The following INPP5A variants were observed in gnomAD, a reference collection of about 807,000 sequenced individuals.
INPP5A encodes the protein 43 kDa inositol polyphosphate 5-phophatase.
INPP5A carries 14 observed loss-of-function variants against 65.2 expected under a neutral mutation model. The ratio of observed to expected loss-of-function variants is 0.21; its 90% CI spans 0.14 to 0.34. The LOEUF is 0.34. Among genes scored for constraint, INPP5A ranks in the 10% least tolerant of loss-of-function variants. The probability of loss-of-function intolerance (pLI) is 1.00; values close to 1 mark genes in which losing one functional copy is unlikely to be tolerated. For synonymous variants in INPP5A, 207 were observed against 208.3 expected (o/e 0.99, Z 0.05); for missense variants, 431 against 545.6 (o/e 0.79, Z 2.09).
chr10:132,633,643 A>G (rs2072302274), intron 2 of INPP5A, among the ~76,000 whole-genome samples: 1 of 152,134 alleles, frequency 6.6e-6, no homozygotes, highest in Admixed American at 6.5e-5. Flanking sequence ...CCATTATGAG[A>G]CCAGGAAAGA....
At chr10:132,634,088 C>T (rs937170374) in intron 2 of INPP5A, among the ~76,000 whole-genome samples, 1 of 152,274 alleles carries the variant, frequency 6.6e-6, no homozygotes, top group Non-Finnish European at 1.5e-5. Context: ...GTAATTCCAA[C>T]CTATTCAATA....
intron 4 of INPP5A, among the ~76,000 whole-genome samples, chr10:132,666,859 A>G (rs2072811637): frequency 6.6e-6 from 1 of 152,244 alleles, no homozygotes; most frequent in East Asian, 1.9e-4. Context: ...GGGTAGAGAA[A>G]GATATCTGTG....
At chr10:132,718,910 G>A (rs1420282035) in intron 8 of INPP5A, among the ~76,000 whole-genome samples, 2 of 148,854 alleles carry the variant, frequency 1.3e-5, no homozygotes, top group Non-Finnish European at 3.0e-5. Context: ...CGCCTTAGAC[G>A]GCTGTCTTGC....
intron 9 of INPP5A, among the ~76,000 whole-genome samples, chr10:132,735,470 G>A (rs1214780658): frequency 1.3e-5 from 2 of 152,214 alleles, no homozygotes; most frequent in East Asian, 1.9e-4. Flanking sequence ...CCGGTGGCAC[G>A]GGCGCCCTGG....
rs140065910 is a variant in INPP5A, at chr10:132,781,643, G to A, written c.1159-218G>A. On this transcript the variant is annotated intron_variant, in intron 14 of 15. Transcript: ENST00000368594. ...CTTCCTTGCAAAACCTCTCATGGCCGGCCTGGCTCCAGTTCCACATTCACG... is the reference window on the plus strand; with the variant it reads ...CTTCCTTGCAAAACCTCTCATGGCCAGCCTGGCTCCAGTTCCACATTCACG... Among the ~76,000 whole-genome samples the A allele has an allele frequency of 2.1e-3, 318 of 152,190 alleles. 3 individuals carry two copies. The highest frequency in any genetic ancestry group is 6.3e-3 in the African/African-American group (261 of 41,502).
intron 4 of INPP5A, among the ~76,000 whole-genome samples, chr10:132,668,296 C>T (rs576929073): frequency 3.3e-5 from 5 of 152,248 alleles, no homozygotes; most frequent in Admixed American, 2.6e-4. Context: ...CTGATGGCCT[C>T]GGCCTCCTTT....
At chr10:132,779,786 G>A (rs1288441604) in intron 13 of INPP5A, among the ~76,000 whole-genome samples, 1 of 152,196 alleles carries the variant, frequency 6.6e-6, no homozygotes, top group Non-Finnish European at 1.5e-5. Context: ...CCGTCACCTC[G>A]TCACCAAGCT....
intron 5 of INPP5A, among the ~76,000 whole-genome samples, chr10:132,695,914 C>T (rs534368287): frequency 2.0e-5 from 3 of 152,166 alleles, no homozygotes; most frequent in African/African-American, 4.8e-5. Context: ...GTGCCCCCCA[C>T]CCCCAAATTC....
intron 2 of INPP5A, among the ~76,000 whole-genome samples, chr10:132,619,736 G>A (rs1395086474): frequency 1.3e-5 from 2 of 152,208 alleles, no homozygotes; most frequent in Non-Finnish European, 2.9e-5. Flanking sequence ...TCAGCTCACT[G>A]CAACTTCAGT....
Position 132,765,798 on chromosome 10 carries a change from C to T in INPP5A, c.929C>T (p.Ser310Phe). The T allele has an allele frequency of 6.2e-6, 10 of 1,605,380 alleles. No homozygotes were observed. Among genetic ancestry groups the T allele is most frequent in the Non-Finnish European group, 8.5e-6 (10 of 1,172,016 alleles). Reference sequence around the variant, plus strand: ...CTCTTGGAGTTTGACAAGGAGTTGTCTGTCTTTAAGGACAGACTGTATGAA... The same window carrying T: ...CTCTTGGAGTTTGACAAGGAGTTGTTTGTCTTTAAGGACAGACTGTATGAA... Reference protein sequence around the residue: ...TALLEFDKELSVFKDRLYELD... With the variant: ...TALLEFDKELFVFKDRLYELD... The change falls in exon 12 of 16, where the codon TCT (serine) becomes TTT (phenylalanine). Residue 310 changes from serine (S) to phenylalanine (F), a missense_variant. Coordinates refer to ENST00000368594, the MANE Select transcript of INPP5A (RefSeq NM_005539.5).
chr10:132,582,815 TTCCA>T (rs1430179940), intron 1 of INPP5A, among the ~76,000 whole-genome samples: 1 of 152,258 alleles, frequency 6.6e-6, no homozygotes, highest in East Asian at 1.9e-4. Flanking sequence ...TTGAATTTTA[TTCCA>T]GGTCCACATG....
rs990064794 is a variant in INPP5A, at chr10:132,616,812, C to T, written c.117+8856C>T. 2.6e-5 allele frequency among the ~76,000 whole-genome samples: 4 copies of T among 151,700 alleles called. No individual in the cohort carries two copies. Among genetic ancestry groups the T allele is most frequent in the East Asian group, 1.9e-4 (1 of 5,182 alleles). On this transcript the variant is annotated intron_variant, in intron 2 of 15. Transcript: ENST00000368594. The surrounding 1 kb of genome is among the most constrained non-coding windows in gnomAD (Gnocchi z 4.9). The stretch of plus-strand genomic sequence containing the variant: ...GATCTCCTGTAGCTCTGGCCAGTGG[C>T]GAGTGGCACCATGCAGCAGGGAGGA...
chr10:132,713,534 C>G (rs1041598714), intron 8 of INPP5A, among the ~76,000 whole-genome samples: 4 of 152,266 alleles, frequency 2.6e-5, no homozygotes, highest in Admixed American at 6.5e-5. Context: ...CTTGGCTCTC[C>G]TCTGCATCTG....
At chr10:132,766,870 C>G (rs374109754) in intron 12 of INPP5A, among the ~76,000 whole-genome samples, 2 of 123,830 alleles carry the variant, frequency 1.6e-5, no homozygotes, top group East Asian at 5.8e-4. Context: ...CTCAGGGAGC[C>G]TGGGTGGGAG....
chr10:132,766,460 G>C (rs916024086), intron 12 of INPP5A, among the ~76,000 whole-genome samples: 4 of 152,166 alleles, frequency 2.6e-5, no homozygotes, highest in African/African-American at 9.7e-5. Flanking sequence ...GCATGCGTGT[G>C]TGTGCCTGGG....
At chr10:132,634,982 C>T (rs1300454425) in intron 2 of INPP5A, among the ~76,000 whole-genome samples, 2 of 152,218 alleles carry the variant, frequency 1.3e-5, no homozygotes, top group Non-Finnish European at 2.9e-5. Context: ...AGCTCCCAGC[C>T]TTGCAATTGG....
chr10:132,774,663 G>C (rs1474432954), intron 12 of INPP5A, among the ~76,000 whole-genome samples: 1 of 151,992 alleles, frequency 6.6e-6, no homozygotes, highest in Non-Finnish European at 1.5e-5. Flanking sequence ...TCTCGGGCCC[G>C]TGGCGACCCT....
At chr10:132,775,223 G>A (rs1177425397) in intron 12 of INPP5A, among the ~76,000 whole-genome samples, 1 of 129,748 alleles carries the variant, frequency 7.7e-6, no homozygotes, top group Non-Finnish European at 1.7e-5. Flanking sequence ...AGGGGGAGGG[G>A]CAGGGGGAGG....
At chr10:132,780,682 C>T (rs1479713165) in intron 13 of INPP5A, among the ~76,000 whole-genome samples, 167 bp from the exon 14 acceptor site, 1 of 152,286 alleles carries the variant, frequency 6.6e-6, no homozygotes, top group African/African-American at 2.4e-5. Flanking sequence ...TGGCCTCTCT[C>T]TCAGGGGCCA....
Sources: gnomAD v4.1 joint callset for allele counts (sites outside exome capture counted in the v4.1 genomes callset) on GRCh38, gnomAD v4.1.1 for gene constraint, Gnocchi (gnomAD v3.1) non-coding constraint, MANE v1.5 for transcripts, NCBI Gene and HGNC (gene_info 2026-07-23, HGNC 2026-07-21) for gene names.